Variants in ATP8A1 observed in about 807,000 individuals in gnomAD.
The protein encoded by ATP8A1 is phospholipid-transporting ATPase IA.
In ATP8A1, 90 loss-of-function variants were observed where a neutral mutation model predicts 177.7. The observed-to-expected ratio is 0.51, with a 90% CI of 0.43 to 0.60. The LOEUF (loss-of-function observed/expected upper bound fraction) is 0.60, where lower values mean the gene tolerates loss of function less well. Ranked by LOEUF, ATP8A1 falls within the 20% of genes least tolerant of loss-of-function variation. The pLI is 0.00. For synonymous variants in ATP8A1, 493 were observed against 485.9 expected (o/e 1.01, Z -0.19); for missense variants, 1,072 against 1,392.8 (o/e 0.77, Z 3.67).
At chr4:42,485,007 T>C (rs143830876) in intron 25 of ATP8A1, among the ~76,000 whole-genome samples, 1 of 152,340 alleles carries the variant, frequency 6.6e-6, no homozygotes, top group Non-Finnish European at 1.5e-5. Flanking sequence ...TAGGCCTTGA[T>C]AACTCAAAAG....
At chr4:42,610,874 G>A (rs1286147884) in intron 5 of ATP8A1, among the ~76,000 whole-genome samples, 2 of 152,156 alleles carry the variant, frequency 1.3e-5, no homozygotes, top group Non-Finnish European at 2.9e-5. Context: ...TATATGTTCA[G>A]GTCTACCGAA....
At chr4:42,506,903 C>T in intron 23 of ATP8A1, 113 bp downstream of exon 23, 1 of 1,274,414 alleles carries the variant, frequency 7.8e-7, no homozygotes, top group Non-Finnish European at 1.1e-6. Flanking sequence ...TTGGAATATT[C>T]CAATCTTGAC....
intron 18 of ATP8A1, among the ~76,000 whole-genome samples, chr4:42,549,432 G>A (rs1384108040): frequency 3.7e-5 from 3 of 80,550 alleles, no homozygotes; most frequent in African/African-American, 1.2e-4. Context: ...AATTAATATA[G>A]ATAATAGGGG....
At chr4:42,533,778 C>T (rs1727507623) in intron 20 of ATP8A1, among the ~76,000 whole-genome samples, 1 of 152,176 alleles carries the variant, frequency 6.6e-6, no homozygotes, top group South Asian at 2.1e-4. Context: ...CTTCACTACC[C>T]TGCTACCTCC....
At chr4:42,428,283 C>T (rs951283618) in intron 33 of ATP8A1, among the ~76,000 whole-genome samples, 3 of 152,188 alleles carry the variant, frequency 2.0e-5, no homozygotes, top group Non-Finnish European at 2.9e-5. Context: ...CTACTGAGCT[C>T]CTAACTTGTG....
chr4:42,604,507 AT>A (rs1225967448), intron 5 of ATP8A1, among the ~76,000 whole-genome samples: 1 of 152,204 alleles, frequency 6.6e-6, no homozygotes, highest in African/African-American at 2.4e-5. Flanking sequence ...ATATAAAACC[AT>A]TGCAACAGTT....
chr4:42,610,996 T>C (rs1736311327), intron 5 of ATP8A1, among the ~76,000 whole-genome samples: 1 of 152,210 alleles, frequency 6.6e-6, no homozygotes, highest in African/African-American at 2.4e-5. Flanking sequence ...TACATCTCTT[T>C]GAACAGCACT....
intron 24 of ATP8A1, among the ~76,000 whole-genome samples, chr4:42,488,879 C>T (rs913157786): frequency 2.0e-5 from 3 of 152,196 alleles, no homozygotes; most frequent in Non-Finnish European, 2.9e-5. Context: ...CGCGTTAAAC[C>T]TGTTTCCCAG....
chr4:42,422,782 AG>A, intron 35 of ATP8A1, 24 bp downstream of exon 35: 1 of 1,561,192 alleles, frequency 6.4e-7, no homozygotes, highest in Non-Finnish European at 8.8e-7. Context: ...CATTTGGAAA[AG>A]AATATATTCA....
intron 29 of ATP8A1, among the ~76,000 whole-genome samples, chr4:42,452,404 T>C (rs1391889524): frequency 1.3e-5 from 2 of 152,184 alleles, no homozygotes; most frequent in Non-Finnish European, 2.9e-5. Context: ...TCCAGAAGAA[T>C]AGACTTTTAA....
intron 36 of ATP8A1, 134 bp from the exon 37 acceptor site, chr4:42,413,147 T>C (rs1712817147): frequency 3.0e-6 from 2 of 661,538 alleles, no homozygotes; most frequent in East Asian, 2.8e-5. Context: ...GAGACACTGA[T>C]TTTTAATGCC....
intron 20 of ATP8A1, among the ~76,000 whole-genome samples, chr4:42,539,404 C>G (rs1349890912): frequency 3.4e-5 from 5 of 145,880 alleles, no homozygotes; most frequent in Admixed American, 1.4e-4. Context: ...TACCCCCCCC[C>G]CAACAAAAAC....
At chr4:42,639,540 C>G (rs7662745) in intron 1 of ATP8A1, among the ~76,000 whole-genome samples, 30,392 of 151,986 alleles carry the variant, frequency 0.2, 3,158 homozygotes, top group Admixed American at 0.27. Context: ...AAGAACTAAA[C>G]CAAAAGACAA....
rs1236984821 is a variant in ATP8A1, at chr4:42,473,811, A to G, written c.2325-8735T>C. On this transcript the variant is annotated intron_variant, in intron 25 of 36. Coordinates refer to ENST00000381668, the MANE Select transcript of ATP8A1 (RefSeq NM_006095.2). Reference sequence around the variant, plus strand: ...AAAATGTACGCCACCATGCATGGCTAATTTTTGTGTTTTTTTTTTTTTTGT... The same window carrying G: ...AAAATGTACGCCACCATGCATGGCTGATTTTTGTGTTTTTTTTTTTTTTGT... Among the ~76,000 whole-genome samples, 3 of 131,928 alleles carry G rather than the reference A, an allele frequency of 2.3e-5. 1 individual carries two copies. Among genetic ancestry groups the G allele is most frequent in the African/African-American group, 8.0e-5 (3 of 37,446 alleles). The allele number at this position is 131,928 out of a possible 152,430, so 86.5% of individuals were successfully genotyped here. A position where few individuals can be genotyped will look rare whatever the true frequency, so the allele number is the denominator to read the frequency against.
chr4:42,567,589 A>G (rs1030728919), intron 15 of ATP8A1, among the ~76,000 whole-genome samples: 7 of 152,204 alleles, frequency 4.6e-5, no homozygotes, highest in Admixed American at 3.9e-4. Flanking sequence ...CCCTATTGTT[A>G]TTTTTAAAAA....
intron 24 of ATP8A1, among the ~76,000 whole-genome samples, chr4:42,490,726 C>A (rs1722664455): frequency 6.6e-6 from 1 of 152,146 alleles, no homozygotes; most frequent in South Asian, 2.1e-4. Context: ...TAAAAGGTCA[C>A]AATTTTCTTA....
chr4:42,588,083 A>G (rs986059570), intron 8 of ATP8A1, among the ~76,000 whole-genome samples, 177 bp downstream of exon 8: 18 of 152,212 alleles, frequency 1.2e-4, no homozygotes. Flanking sequence ...AGACAAATAC[A>G]TCAGAATCTT....
chr4:42,456,616 T>C (rs558688376), intron 27 of ATP8A1, among the ~76,000 whole-genome samples: 2 of 152,260 alleles, frequency 1.3e-5, no homozygotes, highest in Admixed American at 6.5e-5. Context: ...AGTACCTACG[T>C]TATTGTTTTT....
At chr4:42,489,236 AT>A (rs1722505567) in intron 24 of ATP8A1, among the ~76,000 whole-genome samples, 1 of 152,200 alleles carries the variant, frequency 6.6e-6, no homozygotes, top group South Asian at 2.1e-4. Context: ...AGGACTTCGA[AT>A]TTCTTGAAAG....
Sources: gnomAD v4.1 joint callset for allele counts (sites outside exome capture counted in the v4.1 genomes callset) on GRCh38, gnomAD v4.1.1 for gene constraint, MANE v1.5 for transcripts, NCBI Gene and HGNC (gene_info 2026-07-23, HGNC 2026-07-21) for gene names.